ALX4: variants seen among roughly 807,000 people sequenced by gnomAD.
ALX4 encodes the protein homeobox protein aristaless-like 4.
ALX4 carries 22 observed loss-of-function variants against 40.6 expected under a neutral mutation model. That is an observed-to-expected ratio of 0.54 (90% CI 0.39 to 0.77). The LOEUF is 0.77. ALX4 is among the 30% of genes least tolerant of loss of function. ALX4 has a pLI of 0.00. For missense variants in ALX4, 556 were observed against 564.8 expected (o/e 0.98, Z 0.16); for synonymous variants, 266 against 240.5 (o/e 1.11, Z -0.98).
At position 44,309,180 on chromosome 11, in the gene ALX4, TCGCAGCCC is replaced by T. The variant is rs71035685; in HGVS notation, c.466+409_466+416del. On this transcript the variant is annotated intron_variant, in intron 1 of 3. Transcript: ENST00000652299. ...CCCGCAGCCCCGCAGCCCCGCAGCC[TCGCAGCCC>T]CGCAGCCCCGCAGCCCCGCAGCCCC... is the stretch of plus-strand genomic sequence containing the variant. 1.5e-4 allele frequency among the ~76,000 whole-genome samples: 21 copies of T among 138,744 alleles called. 1 individual carries two copies. Among genetic ancestry groups the T allele is most frequent in the African/African-American group, 4.2e-4 (16 of 38,094 alleles). 91.0% of individuals were successfully genotyped at this position (138,744 alleles called of 152,430 possible).
chr11:44,302,822 A>C (rs1219958965), intron 1 of ALX4, among the ~76,000 whole-genome samples: 1 of 151,990 alleles, frequency 6.6e-6, no homozygotes, highest in East Asian at 1.9e-4. Context: ...ACCTTACCCC[A>C]GTTTCTCCTG....
chr11:44,287,634 T>C (rs1219390105), intron 1 of ALX4, among the ~76,000 whole-genome samples: 1 of 149,710 alleles, frequency 6.7e-6, no homozygotes, highest in East Asian at 1.9e-4. Flanking sequence ...AACAAAAAAC[T>C]GGTAAGAGGC....
rs570155817 is a variant in ALX4 at position 44,269,915 on chromosome 11, G to A, written c.778-2293C>T. 1.3e-3 allele frequency among the ~76,000 whole-genome samples: 204 copies of A among 152,272 alleles called. 2 individuals carry two copies. The highest frequency in any genetic ancestry group is 2.4e-4 in the Non-Finnish European group (16 of 68,022). On this transcript the variant is annotated intron_variant, in intron 2 of 3. Coordinates refer to ENST00000652299, the MANE Select transcript of ALX4 (RefSeq NM_021926.4). ...TTTCTGTGGGGGAAGCTGGGGGGAG[G>A]GGAGAAGCCACTGGAGGCACGGAGA...
intron 1 of ALX4, among the ~76,000 whole-genome samples, chr11:44,296,673 T>C (rs1286243372): frequency 1.3e-5 from 2 of 152,104 alleles, no homozygotes; most frequent in African/African-American, 2.4e-5. Context: ...GATACACAAA[T>C]GGCCAGACGC....
Position 44,260,794 on chromosome 11 carries a change from C to A in ALX4, c.*4060G>T, listed in dbSNP as rs1956178197. The A allele has an allele frequency of 6.6e-6, 1 of 151,822 alleles. No homozygotes were observed. Among genetic ancestry groups the A allele is most frequent in the African/African-American group, 2.4e-5 (1 of 41,308 alleles). 9.4% of individuals were successfully genotyped at this position (151,822 alleles called of 1,614,324 possible). A position where few individuals can be genotyped will look rare whatever the true frequency, so the allele number is the denominator to read the frequency against. On this transcript the variant is annotated 3_prime_UTR_variant, in exon 4 of 4. Transcript: ENST00000652299. ...TAATATTCCACCCCAGGCCATTAAGCTAAAGGAAAAGTTGCATTTATACAG... is the reference window on the plus strand; with the variant it reads ...TAATATTCCACCCCAGGCCATTAAGATAAAGGAAAAGTTGCATTTATACAG...
chr11:44,306,552 T>C (rs72909937), intron 1 of ALX4, among the ~76,000 whole-genome samples: 7,155 of 152,344 alleles, frequency 0.047, 224 homozygotes, highest in Non-Finnish European at 0.07. Flanking sequence ...CCTCCAGGGC[T>C]AGGAATGGTT....
intron 3 of ALX4, among the ~76,000 whole-genome samples, 156 bp from the exon 4 acceptor site, chr11:44,265,339 TGGG>T (rs371477760): frequency 8.5e-5 from 13 of 152,112 alleles, no homozygotes; most frequent in African/African-American, 2.9e-4. Context: ...GATACCCCTG[TGGG>T]GGTGGCTTTT....
intron 1 of ALX4, among the ~76,000 whole-genome samples, chr11:44,302,073 G>A (rs1956437951): frequency 6.6e-6 from 1 of 152,166 alleles, no homozygotes. Context: ...GGGCAGGAAG[G>A]CCACAGGCCA....
At position 44,265,031 on chromosome 11, in the gene ALX4, A is replaced by G; in HGVS notation, c.1059T>C (p.Ser353=). The G allele has an allele frequency of 6.2e-7, 1 of 1,613,108 alleles. No homozygotes were observed. ...ASSVTDFLSV[S]GAGSHVGQTH... ...TCTGGCCCACGTGACTGCCAGCCCC[A>G]GACACACTCAGGAAGTCGGTGACGC... is the stretch of plus-strand genomic sequence containing the variant. The change falls in exon 4 of 4, where the codon TCT becomes TCC. Residue 353 remains serine, a synonymous_variant. Transcript: ENST00000652299.
chr11:44,306,958 T>A (rs1956472165), intron 1 of ALX4, among the ~76,000 whole-genome samples: 1 of 152,094 alleles, frequency 6.6e-6, no homozygotes, highest in Non-Finnish European at 1.5e-5. Context: ...AACACTGACT[T>A]GCTGTTTATT....
At chr11:44,274,495 T>C (rs1956266657) in intron 2 of ALX4, among the ~76,000 whole-genome samples, 1 of 151,944 alleles carries the variant, frequency 6.6e-6, no homozygotes, top group Non-Finnish European at 1.5e-5. Context: ...TTCCATTGTG[T>C]TGTGTTGTGT....
intron 1 of ALX4, among the ~76,000 whole-genome samples, chr11:44,303,687 C>A (rs10838257): frequency 6.6e-6 from 1 of 152,270 alleles, no homozygotes. Context: ...GGAGAAGCCG[C>A]TCTTTGTTAA....
chr11:44,292,150 A>G (rs1956373244), intron 1 of ALX4, among the ~76,000 whole-genome samples: 1 of 152,022 alleles, frequency 6.6e-6, no homozygotes, highest in African/African-American at 2.4e-5. Context: ...AGAATCACTT[A>G]CAAACTGAAA....
At chr11:44,287,921 A>G (rs1956348341) in intron 1 of ALX4, among the ~76,000 whole-genome samples, 1 of 152,204 alleles carries the variant, frequency 6.6e-6, no homozygotes, top group South Asian at 2.1e-4. Flanking sequence ...GCCTACACAC[A>G]CTGAAGTACT....
intron 1 of ALX4, among the ~76,000 whole-genome samples, chr11:44,296,548 C>T (rs1956403540): frequency 6.6e-6 from 1 of 152,140 alleles, no homozygotes. Context: ...GAAATATTCG[C>T]AAATCATGTA....
chr11:44,309,152 T>A (rs1218919449), intron 1 of ALX4, among the ~76,000 whole-genome samples: 1 of 62,114 alleles, frequency 1.6e-5, no homozygotes. Context: ...GCAGTCCTGC[T>A]GTCCCGCAGC....
intron 3 of ALX4, among the ~76,000 whole-genome samples, chr11:44,266,072 C>T (rs1037549491): frequency 2.0e-5 from 3 of 151,796 alleles, no homozygotes; most frequent in African/African-American, 7.3e-5. Flanking sequence ...CTGGAGCACA[C>T]TCGAGGGAGG....
Position 44,264,569 on chromosome 11 carries a change from A to G in ALX4, c.*285T>C. Reference sequence around the variant, plus strand: ...GGGAGCAAGAAAGCGCTTTCAGCTTATCATGGATGCGAAGCTGAAAAACGT... The same window carrying G: ...GGGAGCAAGAAAGCGCTTTCAGCTTGTCATGGATGCGAAGCTGAAAAACGT... On this transcript the variant is annotated 3_prime_UTR_variant, in exon 4 of 4. Coordinates refer to ENST00000652299, the MANE Select transcript of ALX4 (RefSeq NM_021926.4). The G allele has an allele frequency of 7.4e-6, 4 of 543,288 alleles. No individual in the cohort carries two copies. The highest frequency in any genetic ancestry group is 1.3e-5 in the Non-Finnish European group (4 of 302,520). 33.7% of individuals were successfully genotyped at this position (543,288 alleles called of 1,614,324 possible).
intron 1 of ALX4, among the ~76,000 whole-genome samples, chr11:44,293,148 G>C (rs1424198724): frequency 5.2e-5 from 4 of 76,204 alleles, no homozygotes; most frequent in Non-Finnish European, 1.0e-4. Context: ...AGGAAGGAAG[G>C]AAGGAAGGAA....
Sources: gnomAD v4.1 joint callset for allele counts (sites outside exome capture counted in the v4.1 genomes callset) on GRCh38, gnomAD v4.1.1 for gene constraint, MANE v1.5 for transcripts, NCBI Gene and HGNC (gene_info 2026-07-23, HGNC 2026-07-21) for gene names.